Variants in TYK2 observed in about 807,000 individuals in gnomAD.
TYK2 encodes tyrosine kinase 2.
A neutral mutation model predicts 130.9 loss-of-function variants in TYK2; 65 were observed. That is an observed-to-expected ratio of 0.50 (90% CI 0.41 to 0.61). The LOEUF (loss-of-function observed/expected upper bound fraction) is 0.61. Ranked by LOEUF, TYK2 falls within the 20% of genes least tolerant of loss-of-function variation. The probability of loss-of-function intolerance (pLI) is 0.00; values close to 1 mark genes in which losing one functional copy is unlikely to be tolerated. For missense variants in TYK2, 1,378 were observed against 1,610.7 expected (o/e 0.86, Z 2.47); for synonymous variants, 647 against 658.9 (o/e 0.98, Z 0.28).
chr19:10,361,699 C>A lies in TYK2; in HGVS notation c.1959+71G>T. The A allele has an allele frequency of 1.3e-6, 2 of 1,583,790 alleles. No individual in the cohort carries two copies. Among genetic ancestry groups the A allele is most frequent in the Non-Finnish European group, 1.7e-6 (2 of 1,162,070 alleles). Reference sequence around the variant, plus strand: ...CCATCCCACCTCCTCCACAGACACACCCCTCCCATCCCACCTCCTCCGGCC... The same window carrying A: ...CCATCCCACCTCCTCCACAGACACAACCCTCCCATCCCACCTCCTCCGGCC... On this transcript the variant is annotated intron_variant, in intron 13 of 24. Transcript: ENST00000525621. This position sits in a 1 kb window ranked among gnomAD's most constrained non-coding sequence, Gnocchi z 4.0.
chr19:10,379,262 G>A (rs993541024), intron 2 of TYK2, among the ~76,000 whole-genome samples: 2 of 152,062 alleles, frequency 1.3e-5, no homozygotes, highest in African/African-American at 4.8e-5. Context: ...CCAGGAGTTG[G>A]AGGCTGCAGT....
chr19:10,357,576 G>T, intron 17 of TYK2, 188 bp downstream of exon 17: 2 of 801,678 alleles, frequency 2.5e-6, no homozygotes, highest in South Asian at 2.9e-5. Flanking sequence ...AGGCACAAGT[G>T]ACTTCCACAA....
chr19:10,377,029 G>C (rs1246766185), intron 3 of TYK2, among the ~76,000 whole-genome samples: 2 of 151,994 alleles, frequency 1.3e-5, no homozygotes. Context: ...AGGCTCTCAA[G>C]TTGCTGGGAC....
chr19:10,361,441 C>CATGT lies in TYK2; in HGVS notation c.2047+69_2047+70insACAT, dbSNP rs1477968754. The CATGT allele has an allele frequency of 7.7e-7, 1 of 1,303,088 alleles. No individual in the cohort carries two copies. Among genetic ancestry groups the CATGT allele is most frequent in the African/African-American group, 1.7e-5 (1 of 60,394 alleles). The allele number at this position is 1,303,088 out of a possible 1,614,324, so 80.7% of individuals were successfully genotyped here. A position where few individuals can be genotyped will look rare whatever the true frequency, so the allele number is the denominator to read the frequency against. ...GGGGTGTAGGTCGAGGGTTGGGGTA[C>CATGT]AGATCAGGGAGTGGGTATAAGTCAG... is the stretch of plus-strand genomic sequence containing the variant. On this transcript the variant is annotated intron_variant, in intron 14 of 24. Coordinates refer to ENST00000525621, the MANE Select transcript of TYK2 (RefSeq NM_003331.5). The surrounding 1 kb of genome is among the most constrained non-coding windows in gnomAD (Gnocchi z 4.0).
chr19:10,353,265 A>G lies in TYK2; in HGVS notation c.3028-167T>C. 2 of 611,046 alleles carry G rather than the reference A, an allele frequency of 3.3e-6. No individual in the cohort carries two copies. The highest frequency in any genetic ancestry group is 5.4e-6 in the Non-Finnish European group (2 of 373,016). 37.9% of individuals were successfully genotyped at this position (611,046 alleles called of 1,614,324 possible). On this transcript the variant is annotated intron_variant, in intron 21 of 24. Transcript: ENST00000525621. This position sits in a 1 kb window ranked among gnomAD's most constrained non-coding sequence, Gnocchi z 6.9. ...CGTGGCACCAAGCAAAAGGAGGCTG[A>G]GCCAGAAAGCAGGGACGGGGCTAGA...
rs772009258 is a variant in TYK2 at position 10,354,122 on chromosome 19, C to A, written c.2828G>T (p.Gly943Val). Residue 943 changes from glycine (G) to valine (V), a missense_variant, in exon 20 of 25, where the codon GGC becomes GTC. By Grantham distance (109) the Gly-to-Val change is moderately radical. Coordinates refer to ENST00000525621, the MANE Select transcript of TYK2 (RefSeq NM_003331.5). ...KADCGPQHRS[G>V]WKQEIDILRT... ...CAGAATGTCAATCTCCTGCTTCCAG[C>A]CCGAGCGGTGCTGGGGGCCGCAGTC... 1 of 1,614,094 alleles carries A rather than the reference C, an allele frequency of 6.2e-7. No individual in the cohort carries two copies. The highest frequency in any genetic ancestry group is 8.5e-7 in the Non-Finnish European group (1 of 1,180,040).
At chr19:10,366,623 G>T (rs753709440) in intron 5 of TYK2, 43 bp from the exon 6 acceptor site, 7 of 1,611,034 alleles carry the variant, frequency 4.3e-6, no homozygotes, top group East Asian at 2.2e-5. Flanking sequence ...GTGAGAATGC[G>T]TTCCTCTCTA....
At position 10,358,820 on chromosome 19, in the gene TYK2, T is replaced by C. The variant is rs12720295; in HGVS notation, c.2175+355A>G. On this transcript the variant is annotated intron_variant, in intron 15 of 24. Coordinates refer to ENST00000525621, the MANE Select transcript of TYK2 (RefSeq NM_003331.5). ...TGGCTCACGCCTGGAATCCCAGCAC[T>C]TTGGGAGGCTGAGGCGGATGGATCA... 3.5e-3 allele frequency among the ~76,000 whole-genome samples: 539 copies of C among 151,978 alleles called. 3 individuals are homozygous for C. The highest frequency in any genetic ancestry group is 0.012 in the African/African-American group (518 of 41,480).
At position 10,356,662 on chromosome 19, in the gene TYK2, C is replaced by T; in HGVS notation, c.2523G>A (p.Leu841=). 6.2e-7 allele frequency: 1 copy of T among 1,612,746 alleles called. No individual in the cohort carries two copies. The change falls in exon 18 of 25, where the codon CTG becomes CTA. Residue 841 remains leucine, a synonymous_variant. Coordinates refer to ENST00000525621, the MANE Select transcript of TYK2 (RefSeq NM_003331.5). ...HRLPEPSCPQ[L]ATLTSQCLTY... ...TCAGACACTGGCTGGTGAGTGTGGCCAGCTGTGGGCAGGAGGGCTCGGGCA... is the reference window on the plus strand; with the variant it reads ...TCAGACACTGGCTGGTGAGTGTGGCTAGCTGTGGGCAGGAGGGCTCGGGCA...
At chr19:10,355,708 A>G (rs2041066093) in intron 18 of TYK2, among the ~76,000 whole-genome samples, 1 of 151,780 alleles carries the variant, frequency 6.6e-6, no homozygotes, top group Non-Finnish European at 1.5e-5. Flanking sequence ...TCATGCCTGT[A>G]ATCCCAGCAC....
chr19:10,361,727 C>A lies in TYK2; in HGVS notation c.1959+43G>T, dbSNP rs768619405. 16 of 1,606,972 alleles carry A rather than the reference C, an allele frequency of 1.0e-5. No individual in the cohort carries two copies. Among genetic ancestry groups the A allele is most frequent in the Non-Finnish European group, 1.2e-5 (14 of 1,178,048 alleles). ...CTCCCATCCCACCTCCTCCGGCCAC[C>A]TCCTCCACAGACACACCCCCAGGCC... On this transcript the variant is annotated intron_variant, in intron 13 of 24. Coordinates refer to ENST00000525621, the MANE Select transcript of TYK2 (RefSeq NM_003331.5). The surrounding 1 kb of genome is among the most constrained non-coding windows in gnomAD (Gnocchi z 4.0).
In TYK2 at chr19:10,362,125, G is replaced by C. The variant is rs2041436344; in HGVS notation, c.1726C>G (p.Leu576Val). ...GARASPRTLN[L>V]SQLSFHRVDQ... is the part of the protein sequence containing the mutation. ...ACCCGGTGGAAGCTGAGCTGGCTGA[G>C]GTTGAGTGTCCTGGGGCTGGCCCGA... is the stretch of plus-strand genomic sequence containing the variant. The change falls in exon 12 of 25, where the codon CTC becomes GTC. Residue 576 changes from leucine (L) to valine (V), a missense_variant. Coordinates refer to ENST00000525621, the MANE Select transcript of TYK2 (RefSeq NM_003331.5). 5 of 1,613,976 alleles carry C rather than the reference G, an allele frequency of 3.1e-6. No homozygotes were observed. Among genetic ancestry groups the C allele is most frequent in the Non-Finnish European group, 4.2e-6 (5 of 1,180,036 alleles).
At position 10,361,301 on chromosome 19, in the gene TYK2, G is replaced by A. The variant is rs12720279; in HGVS notation, c.2047+210C>T. On this transcript the variant is annotated intron_variant, in intron 14 of 24. Transcript: ENST00000525621. This position sits in a 1 kb window ranked among gnomAD's most constrained non-coding sequence, Gnocchi z 4.0. ...AGACTGAGGGCAGGTGAGGGTCGAC[G>A]TGTTGGGATGTAAGTTATGGGCTGG... 76,770 of 632,850 alleles carry A rather than the reference G, an allele frequency of 0.12. 5,063 individuals carry two copies. The highest frequency in any genetic ancestry group is 0.15 in the South Asian group (8,377 of 56,308). The allele number at this position is 632,850 out of a possible 1,614,324, so 39.2% of individuals were successfully genotyped here.
At chr19:10,378,050 T>TTGGGAGGGTGGA (rs1367942670) in intron 3 of TYK2, among the ~76,000 whole-genome samples, 164 bp downstream of exon 3, 2 of 60,146 alleles carry the variant, frequency 3.3e-5, no homozygotes, top group Non-Finnish European at 6.5e-5. Flanking sequence ...GGATGGGTGG[T>TTGGGAGGGTGGA]TGGGAGGGTG....
chr19:10,361,120 G>A lies in TYK2; in HGVS notation c.2047+391C>T, dbSNP rs12720280. 0.081 allele frequency: 39,913 copies of A among 491,718 alleles called. 1,860 individuals are homozygous for A. Among genetic ancestry groups the A allele is most frequent in the Middle Eastern group, 0.15 (477 of 3,272 alleles). The allele number at this position is 491,718 out of a possible 1,614,324, so 30.5% of individuals were successfully genotyped here. A position where few individuals can be genotyped will look rare whatever the true frequency, so the allele number is the denominator to read the frequency against. On this transcript the variant is annotated intron_variant, in intron 14 of 24. Coordinates refer to ENST00000525621, the MANE Select transcript of TYK2 (RefSeq NM_003331.5). The surrounding 1 kb of genome is among the most constrained non-coding windows in gnomAD (Gnocchi z 4.0). The stretch of plus-strand genomic sequence containing the variant: ...GGGGTTAGGCAGGGTTGGATGTGCA[G>A]GGGCTGAGGCCTAGGAGAATCAGCA...
chr19:10,351,117 G>T lies in TYK2; in HGVS notation c.3364C>A (p.Leu1122Met), dbSNP rs2040780540. 3 of 1,614,108 alleles carry T rather than the reference G, an allele frequency of 1.9e-6. No homozygotes were observed. The highest frequency in any genetic ancestry group is 1.3e-5 in the African/African-American group (1 of 75,034). ...CGTTCCAGCAACTCAGTGAGTCTCA[G>T]AACTGTCATCTGACCCTGAGCAATG... ...IGIAQGQMTV[L>M]RLTELLERGE... is the part of the protein sequence containing the mutation. The change falls in exon 24 of 25, where the codon CTG becomes ATG. Residue 1122 changes from leucine to methionine, a missense_variant. Leu to Met is a conservative substitution (Grantham distance 15). Transcript: ENST00000525621.
intron 3 of TYK2, among the ~76,000 whole-genome samples, chr19:10,370,538 C>T (rs2145295974): frequency 6.9e-6 from 1 of 145,660 alleles, no homozygotes; most frequent in Non-Finnish European, 1.5e-5. Context: ...TGGTATCTGG[C>T]TGGGTGCAGT....
At chr19:10,362,822 T>G (rs962715845) in intron 9 of TYK2, among the ~76,000 whole-genome samples, 165 bp from the exon 10 acceptor site, 8 of 152,212 alleles carry the variant, frequency 5.3e-5, no homozygotes, top group Admixed American at 2.0e-4. Context: ...CACAGCCACT[T>G]ACATGGAGAC....
At position 10,362,153 on chromosome 19, in the gene TYK2, C is replaced by A. The variant is rs72561469; in HGVS notation, c.1698G>T (p.Gly566=). The change falls in exon 12 of 25, where the codon GGG becomes GGT. Residue 566 remains glycine (G), a synonymous_variant. Transcript: ENST00000525621. ...TGAGTGTCCTGGGGCTGGCCCGAGC[C>A]CCCCGCATGATGATGAGATTGGAGG... ...GETSNLIIMR[G]ARASPRTLNL... is the part of the protein sequence containing the mutation. 3 of 1,613,904 alleles carry A rather than the reference C, an allele frequency of 1.9e-6. No homozygotes were observed. In the African/African-American group the frequency reaches 4.0e-5, roughly 22 times the overall value.
Sources: gnomAD v4.1 joint callset for allele counts (sites outside exome capture counted in the v4.1 genomes callset) on GRCh38, gnomAD v4.1.1 for gene constraint, Gnocchi (gnomAD v3.1) non-coding constraint, MANE v1.5 for transcripts, NCBI Gene and HGNC (gene_info 2026-07-23, HGNC 2026-07-21) for gene names.